The following SPECC1 variants were observed in gnomAD, a reference collection of about 807,000 sequenced individuals.
SPECC1 encodes cytospin-B.
A neutral mutation model predicts 104.1 loss-of-function variants in SPECC1; 62 were observed. That is an observed-to-expected ratio of 0.60 (90% CI 0.49 to 0.74). SPECC1 has a LOEUF of 0.74. SPECC1 is among the 30% of genes least tolerant of loss of function. The pLI, the probability that SPECC1 is intolerant of heterozygous loss-of-function variation, is 0.00. For synonymous variants in SPECC1, 513 were observed against 501.6 expected, an observed-to-expected ratio of 1.02 and a Z score of -0.30; for missense variants, 1,306 against 1,310.5, an observed-to-expected ratio of 1.00 and a Z score of 0.05.
In SPECC1 at chr17:20,204,867, G is replaced by A; in HGVS notation, c.818G>A (p.Ser273Asn). 1 of 1,613,998 alleles carries A rather than the reference G, an allele frequency of 6.2e-7. No homozygotes were observed. Among genetic ancestry groups the A allele is most frequent in the Admixed American group, 1.7e-5 (1 of 60,012 alleles). ...SEGAASHTGDSSCPTSITQES... is the reference protein window; with the variant it reads ...SEGAASHTGDNSCPTSITQES... Reference sequence around the variant, plus strand: ...GGGGCAGCAAGTCACACTGGCGACAGCAGCTGCCCAACATCCATAACTCAA... The same window carrying A: ...GGGGCAGCAAGTCACACTGGCGACAACAGCTGCCCAACATCCATAACTCAA... Residue 273 changes from serine (S) to asparagine (N), a missense_variant, in exon 4 of 15, where the codon AGC becomes AAC. Ser to Asn is a conservative substitution (Grantham distance 46). This residue lies in a region of SPECC1 where 1,177 missense variants were observed against 1,139.9 expected (regional missense o/e 1.03). Transcript: ENST00000395527.
chr17:20,112,778 A>G (rs2048558306), intron 3 of SPECC1: 1 of 1,360,434 alleles, frequency 7.4e-7, no homozygotes, highest in African/African-American at 1.4e-5. Context: ...AGGAAGTCAG[A>G]TAACAGGAAT....
At chr17:20,252,084 A>G (rs1176380289) in intron 9 of SPECC1, among the ~76,000 whole-genome samples, 2 of 152,184 alleles carry the variant, frequency 1.3e-5, no homozygotes, top group Admixed American at 6.5e-5. Flanking sequence ...TTGTGTTTTT[A>G]GAAAAACAGA....
chr17:20,210,321 G>A (rs1019126295), intron 4 of SPECC1, among the ~76,000 whole-genome samples: 3 of 152,178 alleles, frequency 2.0e-5, no homozygotes, highest in African/African-American at 7.2e-5. Context: ...CTCCACCCCG[G>A]CCCCAAGGGT....
intron 3 of SPECC1, among the ~76,000 whole-genome samples, chr17:20,182,103 C>G (rs370077420): frequency 1.4e-5 from 1 of 72,012 alleles, no homozygotes; most frequent in South Asian, 5.9e-4. Flanking sequence ...TCAATTTTTT[C>G]TTTTTCTTTC....
rs144325201 is a variant in SPECC1 at position 20,205,579 on chromosome 17, A to G, written c.1530A>G (p.Lys510=). The G allele has an allele frequency of 2.1e-4, 345 of 1,613,906 alleles. 2 individuals carry two copies. The highest frequency in any genetic ancestry group is 1.3e-3 in the Middle Eastern group (8 of 6,084). The change falls in exon 4 of 15, where the codon AAA becomes AAG. Residue 510 remains lysine, a synonymous_variant. Transcript: ENST00000395527. ...EENQGALEMI[K]RLKEENEKLN... is the part of the protein sequence containing the mutation. The stretch of plus-strand genomic sequence containing the variant: ...ACCAAGGAGCTTTAGAAATGATTAA[A>G]CGTCTGAAGGAAGAAAATGAAAAAC...
intron 3 of SPECC1, among the ~76,000 whole-genome samples, chr17:20,146,394 T>A (rs568052816): frequency 2.6e-5 from 4 of 152,220 alleles, no homozygotes; most frequent in Non-Finnish European, 5.9e-5. Context: ...TGATCATTTC[T>A]TTTTAGTGCT....
intron 3 of SPECC1, among the ~76,000 whole-genome samples, chr17:20,190,625 T>G (rs1218022172): frequency 6.6e-6 from 1 of 152,218 alleles, no homozygotes; most frequent in Admixed American, 6.5e-5. Flanking sequence ...CCCACACCGA[T>G]GTAACATTGC....
intron 1 of SPECC1, among the ~76,000 whole-genome samples, chr17:20,027,945 C>T (rs180989388): frequency 2.6e-5 from 4 of 152,214 alleles, no homozygotes; most frequent in African/African-American, 7.2e-5. Flanking sequence ...CCTATTTTAC[C>T]TTAGTTGGTC....
At chr17:20,018,677 A>T (rs544145742) in intron 1 of SPECC1, among the ~76,000 whole-genome samples, 8 of 152,336 alleles carry the variant, frequency 5.3e-5, no homozygotes, top group Admixed American at 5.2e-4. Context: ...CAGTGAAAGG[A>T]TACAAAGCAC....
chr17:20,139,769 G>A (rs966510355), intron 3 of SPECC1, among the ~76,000 whole-genome samples: 8 of 152,078 alleles, frequency 5.3e-5, no homozygotes, highest in Admixed American at 4.6e-4. Context: ...CCGCCTCCCC[G>A]GTTCAAGCAA....
At chr17:20,177,805 G>A (rs2034577648) in intron 3 of SPECC1, among the ~76,000 whole-genome samples, 1 of 152,148 alleles carries the variant, frequency 6.6e-6, no homozygotes, top group Non-Finnish European at 1.5e-5. Flanking sequence ...CGCCTTCTGG[G>A]TTTAAGCAAT....
At chr17:20,278,860 A>G (rs558157754) in intron 12 of SPECC1, among the ~76,000 whole-genome samples, 1 of 152,304 alleles carries the variant, frequency 6.6e-6, no homozygotes, top group East Asian at 1.9e-4. Flanking sequence ...TGCCAGCTTC[A>G]GGAAGGAAAA....
chr17:20,136,552 A>T (rs1051449722), intron 3 of SPECC1, among the ~76,000 whole-genome samples: 1 of 152,210 alleles, frequency 6.6e-6, no homozygotes, highest in African/African-American at 2.4e-5. Context: ...AAAGGGTTAC[A>T]GTGAAAAGTT....
intron 1 of SPECC1, among the ~76,000 whole-genome samples, chr17:20,016,140 C>A (rs976696907): frequency 6.6e-6 from 1 of 150,462 alleles, no homozygotes; most frequent in Non-Finnish European, 1.5e-5. Context: ...ATGGTGTGAA[C>A]CCGGGAGGCG....
At chr17:20,312,295 A>T (rs1421906393) in intron 14 of SPECC1, among the ~76,000 whole-genome samples, 2 of 152,208 alleles carry the variant, frequency 1.3e-5, no homozygotes, top group Admixed American at 1.3e-4. Flanking sequence ...GCACTATAAG[A>T]TTGTTACTAA....
At chr17:20,281,929 G>T (rs1030591072) in intron 12 of SPECC1, among the ~76,000 whole-genome samples, 1 of 152,220 alleles carries the variant, frequency 6.6e-6, no homozygotes, top group Admixed American at 6.5e-5. Context: ...CTGTTCTCAG[G>T]ACGCCAAGGA....
chr17:20,296,052 T>C (rs2041339457), intron 12 of SPECC1, among the ~76,000 whole-genome samples: 1 of 152,362 alleles, frequency 6.6e-6, no homozygotes, highest in South Asian at 2.1e-4. Context: ...ATTTTGGCTT[T>C]TGTTGCCATT....
At chr17:20,010,286 C>T (rs779473407) in intron 1 of SPECC1, 21 of 152,148 alleles carry the variant, frequency 1.4e-4, no homozygotes, top group Non-Finnish European at 2.9e-4. Context: ...CTTCCTTGCC[C>T]TCTGCAGGAA....
At chr17:20,254,017 T>G (rs2039729425) in intron 10 of SPECC1, among the ~76,000 whole-genome samples, 1 of 152,086 alleles carries the variant, frequency 6.6e-6, no homozygotes, top group South Asian at 2.1e-4. Flanking sequence ...CTTTAAAAAG[T>G]AACTAAGGGA....
Sources: gnomAD v4.1 joint callset for allele counts (sites outside exome capture counted in the v4.1 genomes callset) on GRCh38, gnomAD v4.1.1 for gene constraint, gnomAD v4.1.1 regional missense constraint, MANE v1.5 for transcripts, NCBI Gene and HGNC (gene_info 2026-07-23, HGNC 2026-07-21) for gene names.